ATL2: variants seen among roughly 807,000 people sequenced by gnomAD.
ATL2 encodes the protein atlastin-2.
ATL2 carries 31 observed loss-of-function variants against 73.9 expected under a neutral mutation model. The observed-to-expected ratio is 0.42, with a 90% CI of 0.32 to 0.57. ATL2 has a LOEUF of 0.57. ATL2 is among the 20% of genes least tolerant of loss of function. The pLI, the probability that ATL2 is intolerant of heterozygous loss-of-function variation, is 0.14. For missense variants in ATL2, 738 were observed against 702.6 expected (o/e 1.05, Z -0.57); for synonymous variants, 291 against 237.5 (o/e 1.23, Z -2.07).
intron 5 of ATL2, 75 bp downstream of exon 5, chr2:38,315,209 C>T: frequency 7.6e-7 from 1 of 1,318,454 alleles, no homozygotes; most frequent in Non-Finnish European, 9.8e-7. Context: ...CAAGATTGTG[C>T]CACCGTACTC....
intron 9 of ATL2, among the ~76,000 whole-genome samples, chr2:38,308,048 G>C (rs542016430): frequency 6.6e-6 from 1 of 151,274 alleles, no homozygotes; most frequent in South Asian, 2.2e-4. Context: ...CAGTTTGGGG[G>C]TTCCTCAAAA....
chr2:38,365,798 T>C (rs1012465526), intron 1 of ATL2, among the ~76,000 whole-genome samples: 1 of 151,264 alleles, frequency 6.6e-6, no homozygotes, highest in Non-Finnish European at 1.5e-5. Flanking sequence ...AAGAAAAAAA[T>C]TCGCCAGGTG....
intron 12 of ATL2, among the ~76,000 whole-genome samples, chr2:38,296,893 A>C (rs182849409): frequency 1.2e-4 from 18 of 152,346 alleles, no homozygotes; most frequent in Non-Finnish European, 2.2e-4. Flanking sequence ...TAAGAGATGA[A>C]TATTTCTCAA....
rs570535283 is a variant in ATL2, at chr2:38,320,037, G to A, written c.364-1018C>T. Among the ~76,000 whole-genome samples, 7 of 152,194 alleles carry A rather than the reference G, an allele frequency of 4.6e-5. No individual in the cohort carries two copies. The South Asian group carries it at 6.2e-4, about 14-fold the overall frequency. Reference sequence around the variant, plus strand: ...GCAAGAGAATCACTTGAACCCGTGGGCAGAGGTTGCAGTGAGCAGAGATCG... The same window carrying A: ...GCAAGAGAATCACTTGAACCCGTGGACAGAGGTTGCAGTGAGCAGAGATCG... On this transcript the variant is annotated intron_variant, in intron 2 of 12. Transcript: ENST00000378954.
Position 38,346,431 on chromosome 2 carries a change from T to A in ATL2, c.119-2919A>T, listed in dbSNP as rs183124536. Among the ~76,000 whole-genome samples the A allele has an allele frequency of 8.2e-4, 124 of 152,124 alleles. 1 individual carries two copies. The highest frequency in any genetic ancestry group is 2.9e-3 in the African/African-American group (121 of 41,534). ...AAAATCCTACACATGCTCTATAAGGTCCCGTACTCACCGCCAATCTCTGTT... is the reference window on the plus strand; with the variant it reads ...AAAATCCTACACATGCTCTATAAGGACCCGTACTCACCGCCAATCTCTGTT... On this transcript the variant is annotated intron_variant, in intron 1 of 12. Transcript: ENST00000378954.
At chr2:38,329,511 ACT>A (rs914793250) in intron 2 of ATL2, among the ~76,000 whole-genome samples, 3 of 151,208 alleles carry the variant, frequency 2.0e-5, no homozygotes, top group African/African-American at 7.3e-5. Flanking sequence ...TCACTGGAAA[ACT>A]CTACCAAGCA....
chr2:38,327,520 A>G (rs1181914381), intron 2 of ATL2, among the ~76,000 whole-genome samples: 8 of 140,378 alleles, frequency 5.7e-5, no homozygotes, highest in Non-Finnish European at 1.5e-5. Flanking sequence ...AAAAGAGGGG[A>G]ATATAAAAAA....
At chr2:38,352,767 T>C (rs1239712411) in intron 1 of ATL2, among the ~76,000 whole-genome samples, 2 of 152,178 alleles carry the variant, frequency 1.3e-5, no homozygotes, top group Non-Finnish European at 2.9e-5. Flanking sequence ...TATCTTAGAA[T>C]TAAGGGTCAA....
At chr2:38,314,580 C>T (rs1334332287) in intron 6 of ATL2, 28 bp downstream of exon 6, 1 of 1,546,692 alleles carries the variant, frequency 6.5e-7, no homozygotes, top group South Asian at 1.1e-5. Context: ...ATAGGCTAAT[C>T]TTTAAAATGT....
At chr2:38,311,257 T>C (rs971511522) in intron 7 of ATL2, among the ~76,000 whole-genome samples, 3 of 152,302 alleles carry the variant, frequency 2.0e-5, no homozygotes, top group African/African-American at 4.8e-5. Context: ...CTCTACATGA[T>C]TATTTATGAT....
chr2:38,304,106 C>A (rs6544152), intron 9 of ATL2, among the ~76,000 whole-genome samples: 18,194 of 152,070 alleles, frequency 0.12, 3,224 homozygotes, highest in African/African-American at 0.39. Flanking sequence ...TCTATTAAAC[C>A]ACCACCACAA....
At chr2:38,367,121 A>G (rs1671374450) in intron 1 of ATL2, among the ~76,000 whole-genome samples, 2 of 152,102 alleles carry the variant, frequency 1.3e-5, no homozygotes, top group South Asian at 4.1e-4. Context: ...CACACAGCCA[A>G]GACATTATCT....
intron 1 of ATL2, among the ~76,000 whole-genome samples, chr2:38,358,067 G>A (rs1670783282): frequency 6.6e-6 from 1 of 152,150 alleles, no homozygotes; most frequent in African/African-American, 2.4e-5. Flanking sequence ...CTGGGATTGA[G>A]CTTGAAACTG....
chr2:38,342,224 C>T (rs548869542), intron 2 of ATL2, among the ~76,000 whole-genome samples: 1 of 151,840 alleles, frequency 6.6e-6, no homozygotes, highest in Admixed American at 6.6e-5. Flanking sequence ...GAAAGAGATT[C>T]ATCAATTAAA....
chr2:38,365,450 T>C (rs1008810293), intron 1 of ATL2, among the ~76,000 whole-genome samples: 1 of 150,960 alleles, frequency 6.6e-6, no homozygotes, highest in African/African-American at 2.4e-5. Flanking sequence ...AGGTCAGGAG[T>C]TCAAGGCCAG....
At chr2:38,342,973 C>CAAA (rs56691245) in intron 2 of ATL2, among the ~76,000 whole-genome samples, 3 of 85,482 alleles carry the variant, frequency 3.5e-5, no homozygotes, top group African/African-American at 1.3e-4. Flanking sequence ...CCCATAGCTA[C>CAAA]AAAAAAAAAA....
chr2:38,297,575 C>T (rs1666963306), intron 12 of ATL2, among the ~76,000 whole-genome samples: 1 of 152,190 alleles, frequency 6.6e-6, no homozygotes. Context: ...GCATGGTTCT[C>T]TGTTCATGGC....
chr2:38,348,128 C>T (rs1670130983), intron 1 of ATL2, among the ~76,000 whole-genome samples: 1 of 152,006 alleles, frequency 6.6e-6, no homozygotes, highest in African/African-American at 2.4e-5. Context: ...ATACCTCCGA[C>T]AACTCAAGAG....
At chr2:38,360,985 G>A (rs1055124850) in intron 1 of ATL2, among the ~76,000 whole-genome samples, 3 of 151,914 alleles carry the variant, frequency 2.0e-5, no homozygotes, top group Non-Finnish European at 4.4e-5. Context: ...AAATAAGTCA[G>A]AGAATTGAAA....
Sources: allele counts gnomAD v4.1 joint callset (sites outside exome capture counted in the v4.1 genomes callset), GRCh38; gene constraint gnomAD v4.1.1; transcripts MANE v1.5; gene names NCBI Gene and HGNC (gene_info 2026-07-23, HGNC 2026-07-21).